Variants in EML6 observed in about 807,000 individuals in gnomAD.
The protein encoded by EML6 is echinoderm microtubule-associated protein-like 6.
Under a neutral mutation model 240.1 loss-of-function variants are expected in EML6, and 154 were observed. That is an observed-to-expected ratio of 0.64 (90% CI 0.56 to 0.73). The LOEUF (loss-of-function observed/expected upper bound fraction) is 0.73. Ranked by LOEUF, EML6 falls within the 30% of genes least tolerant of loss-of-function variation. The pLI is 0.00. For synonymous variants in EML6, 1,148 were observed against 899.0 expected, an observed-to-expected ratio of 1.28 and a Z score of -4.95; for missense variants, 2,964 against 2,474.6, an observed-to-expected ratio of 1.20 and a Z score of -4.20.
chr2:54,921,277 A>G (rs1016115787), intron 26 of EML6, among the ~76,000 whole-genome samples: 2 of 152,306 alleles, frequency 1.3e-5, no homozygotes, highest in Middle Eastern at 3.4e-3. Context: ...CAAAGCTAAC[A>G]TATACAATTC....
At chr2:54,964,857 C>T in intron 38 of EML6, 124 bp downstream of exon 38, 2 of 790,620 alleles carry the variant, frequency 2.5e-6, no homozygotes, top group Non-Finnish European at 1.9e-6. Context: ...CACCAGAACT[C>T]CTTAAGTAGT....
chr2:54,786,495 C>G (rs1197512909), intron 2 of EML6, among the ~76,000 whole-genome samples: 2 of 152,206 alleles, frequency 1.3e-5, no homozygotes, highest in Non-Finnish European at 2.9e-5. Flanking sequence ...TGCTCAAGTG[C>G]TGCTACCGCA....
chr2:54,739,815 T>A (rs1220388012), intron 2 of EML6, among the ~76,000 whole-genome samples: 1 of 152,220 alleles, frequency 6.6e-6, no homozygotes, highest in East Asian at 1.9e-4. Context: ...GTGTGGATAA[T>A]GGATTGGAGG....
chr2:54,932,652 AGG>A (rs1367816318), intron 28 of EML6, among the ~76,000 whole-genome samples: 1 of 152,216 alleles, frequency 6.6e-6, no homozygotes, highest in African/African-American at 2.4e-5. Context: ...GAAAAAATGA[AGG>A]AGGAAAGCAT....
At chr2:54,767,630 G>A (rs78343191) in intron 2 of EML6, among the ~76,000 whole-genome samples, 39 of 120,468 alleles carry the variant, frequency 3.2e-4, no homozygotes, top group African/African-American at 1.1e-3. Flanking sequence ...GTGTGTGTGT[G>A]TATGTGTGTG....
chr2:54,857,606 C>T (rs1312609148), intron 11 of EML6, among the ~76,000 whole-genome samples: 2 of 152,122 alleles, frequency 1.3e-5, no homozygotes, highest in African/African-American at 4.8e-5. Context: ...ATAAAGCAAA[C>T]AGTGGGAGCA....
intron 2 of EML6, among the ~76,000 whole-genome samples, chr2:54,769,808 T>C (rs2103798685): frequency 6.6e-6 from 1 of 152,330 alleles, no homozygotes; most frequent in Admixed American, 6.5e-5. Context: ...CTAGGTACTA[T>C]CCTGTCCAGT....
At chr2:54,865,548 A>G (rs2103875080) in intron 13 of EML6, among the ~76,000 whole-genome samples, 1 of 152,336 alleles carries the variant, frequency 6.6e-6, no homozygotes, top group South Asian at 2.1e-4. Context: ...TAATGTGAAA[A>G]TCTGAATTCT....
At chr2:54,790,038 C>A (rs145431517) in intron 2 of EML6, among the ~76,000 whole-genome samples, 2 of 152,132 alleles carry the variant, frequency 1.3e-5, no homozygotes, top group Non-Finnish European at 2.9e-5. Context: ...CACAGGTAAC[C>A]TGTACAAGAG....
chr2:54,811,275 A>T (rs530273251), intron 2 of EML6, among the ~76,000 whole-genome samples: 6 of 152,086 alleles, frequency 3.9e-5, no homozygotes, highest in Non-Finnish European at 8.8e-5. Context: ...GTGGTACCCT[A>T]ATTTCCTGGC....
chr2:54,802,659 A>G (rs994917241), intron 2 of EML6, among the ~76,000 whole-genome samples: 2 of 146,740 alleles, frequency 1.4e-5, no homozygotes, highest in African/African-American at 5.0e-5. Flanking sequence ...TACTACTACT[A>G]CTACTACTGC....
intron 25 of EML6, among the ~76,000 whole-genome samples, chr2:54,914,697 T>C (rs1046964003): frequency 1.1e-4 from 16 of 152,180 alleles, no homozygotes; most frequent in Non-Finnish European, 2.4e-4. Flanking sequence ...CTGAGAGCAT[T>C]GAAGAGGTAG....
chr2:54,809,720 T>A (rs764821006), intron 2 of EML6, among the ~76,000 whole-genome samples: 1 of 151,374 alleles, frequency 6.6e-6, no homozygotes, highest in Non-Finnish European at 1.5e-5. Context: ...TAAATAAATC[T>A]GTAACTCCAC....
intron 2 of EML6, among the ~76,000 whole-genome samples, chr2:54,757,397 A>C (rs993675310): frequency 6.6e-6 from 1 of 152,120 alleles, no homozygotes; most frequent in South Asian, 2.1e-4. Flanking sequence ...CTGTAATACA[A>C]TGTCAGGATG....
chr2:54,962,378 C>T, intron 35 of EML6, 145 bp from the exon 36 acceptor site: 1 of 630,758 alleles, frequency 1.6e-6, no homozygotes, highest in South Asian at 2.5e-5. Flanking sequence ...ACCCACTGAA[C>T]ACTGACTCCC....
intron 33 of EML6, among the ~76,000 whole-genome samples, chr2:54,958,279 C>T (rs1431433534): frequency 6.6e-6 from 1 of 152,142 alleles, no homozygotes; most frequent in Admixed American, 6.5e-5. Context: ...GCAACCTCCA[C>T]CTCCCAGGCT....
chr2:54,904,125 T>A (rs756268046), intron 24 of EML6, among the ~76,000 whole-genome samples: 2 of 152,162 alleles, frequency 1.3e-5, no homozygotes, highest in African/African-American at 2.4e-5. Flanking sequence ...TGGTTTCTGC[T>A]CCCTGTGGAG....
At chr2:54,859,101 G>GA (rs1340237449) in intron 11 of EML6, among the ~76,000 whole-genome samples, 2 of 152,042 alleles carry the variant, frequency 1.3e-5, no homozygotes. Context: ...GTTTAAGGAG[G>GA]AAAAAATGAT....
intron 14 of EML6, 66 bp downstream of exon 14, chr2:54,866,950 G>T (rs1023299820): frequency 4.3e-6 from 4 of 934,610 alleles, no homozygotes; most frequent in Non-Finnish European, 6.7e-6. Context: ...ACCAACCTTA[G>T]CACCAGGCTT....
Sources: allele counts gnomAD v4.1 joint callset (sites outside exome capture counted in the v4.1 genomes callset), GRCh38; gene constraint gnomAD v4.1.1; transcripts MANE v1.5; gene names NCBI Gene and HGNC (gene_info 2026-07-23, HGNC 2026-07-21).